Variants in NRG3 observed in about 807,000 individuals in gnomAD.
NRG3 encodes pro-neuregulin-3, membrane-bound isoform.
Under a neutral mutation model 66.9 loss-of-function variants are expected in NRG3, and 31 were observed. The ratio of observed to expected loss-of-function variants is 0.46; its 90% CI spans 0.35 to 0.63. The LOEUF (loss-of-function observed/expected upper bound fraction) is 0.63, where lower values mean the gene tolerates loss of function less well. Ranked by LOEUF, NRG3 falls within the 20% of genes least tolerant of loss-of-function variation. The pLI, the probability that NRG3 is intolerant of heterozygous loss-of-function variation, is 0.00. For missense variants in NRG3, 910 were observed against 878.9 expected (o/e 1.04, Z -0.45); for synonymous variants, 393 against 359.4 (o/e 1.09, Z -1.06).
intron 1 of NRG3, among the ~76,000 whole-genome samples, chr10:82,147,580 G>T (rs1176565578): frequency 6.6e-6 from 1 of 152,140 alleles, no homozygotes; most frequent in Non-Finnish European, 1.5e-5. Flanking sequence ...TCTTATTAAA[G>T]CTTATGAGCC....
chr10:82,783,873 G>C (rs1220048772), intron 3 of NRG3, among the ~76,000 whole-genome samples: 1 of 151,912 alleles, frequency 6.6e-6, no homozygotes, highest in Non-Finnish European at 1.5e-5. Flanking sequence ...AGTTCATATG[G>C]AACCAAAAAA....
intron 2 of NRG3, among the ~76,000 whole-genome samples, chr10:82,594,998 T>A (rs1007931636): frequency 6.6e-6 from 1 of 152,156 alleles, no homozygotes; most frequent in African/African-American, 2.4e-5. Context: ...TTTATTTTTA[T>A]TTTTTAGAGA....
intron 1 of NRG3, among the ~76,000 whole-genome samples, chr10:82,048,551 C>T (rs1426124057): frequency 2.3e-4 from 35 of 149,638 alleles, no homozygotes; most frequent in African/African-American, 5.8e-4. Context: ...TTGAAACCAA[C>T]GAGAACGAAG....
chr10:82,955,916 C>G (rs540740865), intron 5 of NRG3, among the ~76,000 whole-genome samples: 63 of 151,926 alleles, frequency 4.1e-4, no homozygotes, highest in Non-Finnish European at 8.2e-4. Flanking sequence ...AGACCTTTTC[C>G]CCAACTTCAG....
intron 6 of NRG3, among the ~76,000 whole-genome samples, chr10:82,969,867 G>A (rs1257612065): frequency 6.6e-6 from 1 of 152,038 alleles, no homozygotes; most frequent in Non-Finnish European, 1.5e-5. Context: ...TACAAAATCT[G>A]TATATATATA....
chr10:81,927,819 G>T (rs1261877787), intron 1 of NRG3, among the ~76,000 whole-genome samples: 2 of 152,104 alleles, frequency 1.3e-5, no homozygotes, highest in African/African-American at 4.8e-5. Context: ...ATGCGAAGAG[G>T]GGTCCAGTGT....
chr10:82,218,171 A>G (rs2075775583), intron 1 of NRG3, among the ~76,000 whole-genome samples: 1 of 152,218 alleles, frequency 6.6e-6, no homozygotes, highest in South Asian at 2.1e-4. Flanking sequence ...TAGGAAGGTA[A>G]ATATGATGAA....
intron 1 of NRG3, among the ~76,000 whole-genome samples, chr10:81,918,468 C>T (rs898499654): frequency 1.3e-5 from 2 of 152,096 alleles, no homozygotes; most frequent in African/African-American, 4.8e-5. Context: ...TGCTTTTTAT[C>T]ACGTACAAAA....
Position 81,964,468 on chromosome 10 carries a change from A to C in NRG3, c.823+88305A>C, listed in dbSNP as rs535328104. Among the ~76,000 whole-genome samples, 9 of 152,112 alleles carry C rather than the reference A, an allele frequency of 5.9e-5. No homozygotes were observed. The South Asian group carries it at 1.9e-3, about 32-fold the overall frequency. On this transcript the variant is annotated intron_variant, in intron 1 of 8. Coordinates refer to ENST00000372141, the MANE Select transcript of NRG3 (RefSeq NM_001010848.4). ...AAATTCAATAAAAACATCTGCAACA[A>C]ATTCCATCTCATGACCGTACAGTAG...
rs565154681 is a variant in NRG3 at position 82,333,993 on chromosome 10, C to A, written c.824-24746C>A. Among the ~76,000 whole-genome samples the A allele has an allele frequency of 1.2e-3, 189 of 151,966 alleles. 1 individual carries two copies. Among genetic ancestry groups the A allele is most frequent in the African/African-American group, 4.4e-3 (183 of 41,458 alleles). On this transcript the variant is annotated intron_variant, in intron 1 of 8. Coordinates refer to ENST00000372141, the MANE Select transcript of NRG3 (RefSeq NM_001010848.4). ...TCACGAGGTCAGGAGATGGAGACCACGGTGAAACCCCGTCTCTACTAAAAT... is the reference window on the plus strand; with the variant it reads ...TCACGAGGTCAGGAGATGGAGACCAAGGTGAAACCCCGTCTCTACTAAAAT...
chr10:82,223,326 A>C (rs7904901), intron 1 of NRG3, among the ~76,000 whole-genome samples: 3,833 of 152,188 alleles, frequency 0.025, 188 homozygotes, highest in East Asian at 0.19. Context: ...GTATCAGAGT[A>C]CTTAATTTCT....
intron 3 of NRG3, among the ~76,000 whole-genome samples, chr10:82,830,830 T>A (rs1452247296): frequency 6.6e-6 from 1 of 152,154 alleles, no homozygotes; most frequent in Non-Finnish European, 1.5e-5. Context: ...CATGGTGTAC[T>A]TCAAATTAGG....
rs1242206536 is a variant in NRG3, at chr10:82,296,967, A to G, written c.824-61772A>G. Among the ~76,000 whole-genome samples, 3 of 151,856 alleles carry G rather than the reference A, an allele frequency of 2.0e-5. No individual in the cohort carries two copies. In the East Asian group the frequency reaches 5.8e-4, roughly 29 times the overall value. ...CCCTCTTTTGGAGTCCCCATTGTCT[A>G]TTGTTTTCACCTTTATGTCCATGTG... is the stretch of plus-strand genomic sequence containing the variant. On this transcript the variant is annotated intron_variant, in intron 1 of 8. Transcript: ENST00000372141.
intron 2 of NRG3, among the ~76,000 whole-genome samples, chr10:82,452,761 C>T (rs552713966): frequency 1.2e-4 from 19 of 152,026 alleles, no homozygotes; most frequent in Non-Finnish European, 2.8e-4. Context: ...AACCTGATTT[C>T]TTCCCTCCTT....
intron 1 of NRG3, among the ~76,000 whole-genome samples, chr10:82,154,457 A>T (rs952600341): frequency 6.6e-5 from 10 of 151,538 alleles, no homozygotes; most frequent in Non-Finnish European, 1.5e-5. Flanking sequence ...CAGTACCATG[A>T]TGTGTGTGCT....
intron 1 of NRG3, among the ~76,000 whole-genome samples, chr10:82,084,973 A>G (rs1228379484): frequency 1.3e-5 from 2 of 152,142 alleles, no homozygotes; most frequent in Non-Finnish European, 2.9e-5. Context: ...ATATCTAGCT[A>G]TGTTGGGCAA....
intron 2 of NRG3, among the ~76,000 whole-genome samples, chr10:82,378,204 A>G (rs188500905): frequency 2.3e-4 from 35 of 152,336 alleles, no homozygotes; most frequent in Non-Finnish European, 4.0e-4. Context: ...CACACTCCCC[A>G]ACATCAACCT....
At chr10:82,776,121 T>G (rs1040266095) in intron 3 of NRG3, among the ~76,000 whole-genome samples, 5 of 152,220 alleles carry the variant, frequency 3.3e-5, no homozygotes, top group African/African-American at 9.6e-5. Context: ...GTTCTATTGG[T>G]GATACATCTT....
intron 1 of NRG3, among the ~76,000 whole-genome samples, chr10:82,247,653 G>A (rs1162894967): frequency 6.6e-6 from 1 of 151,950 alleles, no homozygotes; most frequent in African/African-American, 2.4e-5. Context: ...TAGAATACAG[G>A]GATCTGTCTT....
Sources: allele counts gnomAD v4.1 joint callset (sites outside exome capture counted in the v4.1 genomes callset), GRCh38; gene constraint gnomAD v4.1.1; transcripts MANE v1.5; gene names NCBI Gene and HGNC (gene_info 2026-07-23, HGNC 2026-07-21).